The following TRPM6 variants were observed in gnomAD, a reference collection of about 807,000 sequenced individuals.
TRPM6 encodes the protein transient receptor potential cation channel subfamily M member 6, also known as channel kinase 2.
TRPM6 carries 111 observed loss-of-function variants against 247.6 expected under a neutral mutation model. The ratio of observed to expected loss-of-function variants is 0.45; its 90% CI spans 0.38 to 0.52. The LOEUF (loss-of-function observed/expected upper bound fraction) is 0.52, where lower values mean the gene tolerates loss of function less well. Among genes scored for constraint, TRPM6 ranks in the 20% least tolerant of loss-of-function variants. TRPM6 has a pLI of 0.00. For synonymous variants in TRPM6, 892 were observed against 853.8 expected (o/e 1.04, Z -0.78); for missense variants, 2,126 against 2,421.5 (o/e 0.88, Z 2.56).
chr9:74,736,811 G>A (rs1034007884), intron 36 of TRPM6, among the ~76,000 whole-genome samples: 2 of 152,136 alleles, frequency 1.3e-5, no homozygotes, highest in Non-Finnish European at 2.9e-5. Context: ...TGTCAACGCA[G>A]CATTTGTTCT....
chr9:74,843,391 T>C (rs1017966146), intron 3 of TRPM6, among the ~76,000 whole-genome samples: 44 of 152,198 alleles, frequency 2.9e-4, no homozygotes, highest in African/African-American at 1.1e-3. Flanking sequence ...GAATCACGAA[T>C]GTTCTTAATG....
chr9:74,808,264 C>T, intron 13 of TRPM6, 90 bp from the exon 14 acceptor site: 8 of 1,526,280 alleles, frequency 5.2e-6, no homozygotes, highest in Non-Finnish European at 7.2e-6. Flanking sequence ...AAATTAATTG[C>T]AAGAAGGTAG....
At chr9:74,821,577 A>G (rs1240324773) in intron 8 of TRPM6, 92 bp downstream of exon 8, 1 of 1,426,296 alleles carries the variant, frequency 7.0e-7, no homozygotes, top group Non-Finnish European at 9.9e-7. Flanking sequence ...TAATCCAAGA[A>G]TATCTGGCTC....
At chr9:74,771,414 C>T (rs1270482478) in intron 25 of TRPM6, among the ~76,000 whole-genome samples, 6 of 151,612 alleles carry the variant, frequency 4.0e-5, no homozygotes, top group Non-Finnish European at 8.8e-5. Flanking sequence ...ACCACCTACA[C>T]ACATGCGCAC....
At chr9:74,789,910 G>GAGA (rs1217164054) in intron 19 of TRPM6, among the ~76,000 whole-genome samples, 8 of 136,116 alleles carry the variant, frequency 5.9e-5, no homozygotes, top group African/African-American at 1.9e-4. Flanking sequence ...GCAGTGAGCC[G>GAGA]AGATTGCACC....
At chr9:74,887,147 G>A in intron 1 of TRPM6, 3 of 826,030 alleles carry the variant, frequency 3.6e-6, no homozygotes, top group East Asian at 3.2e-5. Flanking sequence ...CGGTGGAGAG[G>A]AGCCAGCGGG....
chr9:74,870,409 G>T (rs1231287871), intron 1 of TRPM6, among the ~76,000 whole-genome samples: 1 of 152,024 alleles, frequency 6.6e-6, no homozygotes, highest in Non-Finnish European at 1.5e-5. Context: ...ATGTAACTGG[G>T]GATCATGGGC....
rs548826112 is a variant in TRPM6 at position 74,781,798 on chromosome 9, T to C, written c.3209+564A>G. ...CTCAAGATCTCCTTGCATTTTGATG[T>C]TGTTACATTGTACTTTCCCCCCACA... On this transcript the variant is annotated intron_variant, in intron 23 of 38. Transcript: ENST00000360774. Among the ~76,000 whole-genome samples, 72 of 152,298 alleles carry C rather than the reference T, an allele frequency of 4.7e-4. 1 individual carries two copies. The highest frequency in any genetic ancestry group is 1.7e-3 in the African/African-American group (70 of 41,572).
intron 1 of TRPM6, among the ~76,000 whole-genome samples, chr9:74,873,951 C>A (rs1006792623): frequency 7.9e-5 from 12 of 151,820 alleles, no homozygotes; most frequent in African/African-American, 2.9e-4. Flanking sequence ...TTAGGGCAGT[C>A]CAGGCTGGGC....
At chr9:74,815,203 A>G (rs1463020404) in intron 11 of TRPM6, among the ~76,000 whole-genome samples, 2 of 152,090 alleles carry the variant, frequency 1.3e-5, no homozygotes, top group Non-Finnish European at 2.9e-5. Flanking sequence ...AACAAAATGG[A>G]TACAGAGACT....
At chr9:74,819,736 G>A (rs118069773) in intron 9 of TRPM6, among the ~76,000 whole-genome samples, 3,235 of 152,270 alleles carry the variant, frequency 0.021, 57 homozygotes, top group Non-Finnish European at 0.032. Flanking sequence ...CCATGAAGCT[G>A]TGTTCATTGA....
chr9:74,858,596 T>C, intron 2 of TRPM6, 73 bp downstream of exon 2: 1 of 940,870 alleles, frequency 1.1e-6, no homozygotes, highest in Non-Finnish European at 1.6e-6. Context: ...AAACAAGTCA[T>C]ATTTCTAAGT....
At chr9:74,750,600 T>C in intron 30 of TRPM6, 64 bp downstream of exon 30, 3 of 1,412,048 alleles carry the variant, frequency 2.1e-6, no homozygotes, top group Non-Finnish European at 3.0e-6. Flanking sequence ...AAACCTTTGC[T>C]CCTAACCAAG....
In TRPM6 at chr9:74,827,815, G is replaced by T; in HGVS notation, c.804C>A (p.Asn268Lys). Residue 268 changes from asparagine to lysine, a missense_variant, in exon 7 of 39, where the codon AAC becomes AAA. Asn to Lys is a moderately conservative substitution (Grantham distance 94). Transcript: ENST00000360774. ...KYGNEMKLRR[N>K]LEKYLSLQKI... Reference sequence around the variant, plus strand: ...TCTGCAGAGAGAGGTACTTCTCCAGGTTCCTTCTGAGCTTCATTTCATTTC... The same window carrying T: ...TCTGCAGAGAGAGGTACTTCTCCAGTTTCCTTCTGAGCTTCATTTCATTTC... 1.2e-6 allele frequency: 2 copies of T among 1,614,098 alleles called. No homozygotes were observed. The highest frequency in any genetic ancestry group is 1.6e-4 in the Middle Eastern group (1 of 6,062).
Position 74,738,519 on chromosome 9 carries a change from G to T in TRPM6, c.5664C>A (p.Asn1888Lys). ...TGGGGGTGATTTCATCACCATTGTTGTTGTTATACTTCCGGAACTCCCCTG... is the reference window on the plus strand; with the variant it reads ...TGGGGGTGATTTCATCACCATTGTTTTTGTTATACTTCCGGAACTCCCCTG... ...YMTGEFRKYN[N>K]NNGDEITPTN... The change falls in exon 36 of 39, where the codon AAC becomes AAA. Residue 1888 changes from asparagine to lysine, a missense_variant. Around this residue, in one of 3 missense-constraint regions of TRPM6, gnomAD observed 327 missense variants for 397.7 expected, o/e 0.82. Transcript: ENST00000360774. The T allele has an allele frequency of 6.2e-7, 1 of 1,614,082 alleles. No individual in the cohort carries two copies. The highest frequency in any genetic ancestry group is 8.5e-7 in the Non-Finnish European group (1 of 1,179,972).
chr9:74,724,683 A>AT lies in TRPM6; in HGVS notation c.5998dup (p.Ile2000AsnfsTer5), dbSNP rs747862562. On this transcript the variant is annotated frameshift_variant, in exon 39 of 39. Coordinates refer to ENST00000360774, the MANE Select transcript of TRPM6 (RefSeq NM_017662.5). LOFTEE classifies it low-confidence loss of function (END_TRUNC). ...TGCTGGAGGCTCCTCAGCTGATTCT[A>AT]TTTTTATCTCAAGTCCAAAGGTGGA... 14 of 1,613,948 alleles carry AT rather than the reference A, an allele frequency of 8.7e-6. No homozygotes were observed. The highest frequency in any genetic ancestry group is 1.1e-5 in the Non-Finnish European group (13 of 1,180,010).
rs539347857 is a variant in TRPM6, at chr9:74,840,175, C to G, written c.393G>C (p.Trp131Cys). 1 of 1,614,044 alleles carries G rather than the reference C, an allele frequency of 6.2e-7. No individual in the cohort carries two copies. Among genetic ancestry groups the G allele is most frequent in the African/African-American group, 1.3e-5 (1 of 75,012 alleles). ...TCACAAGCTTGGGCAGTTCCATTTTCCACTCTTTCAACATTAAATGTAACA... is the reference window on the plus strand; with the variant it reads ...TCACAAGCTTGGGCAGTTCCATTTTGCACTCTTTCAACATTAAATGTAACA... Reference protein sequence around the residue: ...DHLLHLMLKEWKMELPKLVIS... With the variant: ...DHLLHLMLKECKMELPKLVIS... The change falls in exon 5 of 39, where the codon TGG becomes TGC. Residue 131 changes from tryptophan to cysteine, a missense_variant. Trp to Cys is a radical substitution (Grantham distance 215). Around this residue, in one of 3 missense-constraint regions of TRPM6, gnomAD observed 1,082 missense variants for 1,307.9 expected, o/e 0.83. Coordinates refer to ENST00000360774, the MANE Select transcript of TRPM6 (RefSeq NM_017662.5).
At chr9:74,875,553 A>AAAT (rs900086252) in intron 1 of TRPM6, among the ~76,000 whole-genome samples, 16 of 151,994 alleles carry the variant, frequency 1.1e-4, no homozygotes, top group South Asian at 2.1e-4. Flanking sequence ...AAAAAATTAA[A>AAAT]AATAATAATA....
chr9:74,887,374 G>A (rs904612109), intron 1 of TRPM6: 5 of 1,404,224 alleles, frequency 3.6e-6, no homozygotes, highest in African/African-American at 1.4e-5. Context: ...TCAGCGTCCG[G>A]GTCTGAGATC....
Sources: allele counts gnomAD v4.1 joint callset (sites outside exome capture counted in the v4.1 genomes callset), GRCh38; gene constraint gnomAD v4.1.1; regional missense constraint gnomAD v4.1.1; transcripts MANE v1.5; gene names NCBI Gene and HGNC (gene_info 2026-07-23, HGNC 2026-07-21).